Variants in CTSB observed in about 807,000 individuals in gnomAD.
The protein encoded by CTSB is cathepsin B.
CTSB carries 57 observed loss-of-function variants against 44.3 expected under a neutral mutation model. The ratio of observed to expected loss-of-function variants is 1.29; its 90% confidence interval spans 1.04 to 1.60. CTSB has a LOEUF of 1.60. Ranked by LOEUF, CTSB falls within the 40% of genes most tolerant of loss-of-function variation. CTSB has a pLI of 0.00. For synonymous variants in CTSB, 320 were observed against 168.0 expected, an observed-to-expected ratio of 1.91 and a Z score of -7.00; for missense variants, 768 against 443.0, an observed-to-expected ratio of 1.73 and a Z score of -6.59.
In CTSB at chr8:11,845,016, C is replaced by A; in HGVS notation, c.*109G>T. ...AGACAGGTCTGATGTTTGGCCAATC[C>A]AGTCCTTCAGACCCTGTCTGAAACT... On this transcript the variant is annotated 3_prime_UTR_variant, in exon 10 of 10. Transcript: ENST00000353047. The A allele has an allele frequency of 1.3e-6, 1 of 745,300 alleles. No individual in the cohort carries two copies. The highest frequency in any genetic ancestry group is 2.7e-5 in the East Asian group (1 of 37,312). The allele number at this position is 745,300 out of a possible 1,614,324, so 46.2% of individuals were successfully genotyped here. A position where few individuals can be genotyped will look rare whatever the true frequency, so the allele number is the denominator to read the frequency against.
chr8:11,865,249 G>A (rs1586210538), intron 1 of CTSB, among the ~76,000 whole-genome samples: 1 of 152,134 alleles, frequency 6.6e-6, no homozygotes, highest in East Asian at 1.9e-4. Context: ...CCAGACCATT[G>A]AAAAGAGGCA....
rs1353970315 is a variant in CTSB, at chr8:11,848,808, AACTG to A, written c.446+234_446+237del. The stretch of plus-strand genomic sequence containing the variant: ...CCAGACATTCCACCACATTTTCTGA[AACTG>A]ACTGTTTTGCTGGGATGCCACCCCT... On this transcript the variant is annotated intron_variant, in intron 5 of 9. Coordinates refer to ENST00000353047, the MANE Select transcript of CTSB (RefSeq NM_001908.5). 3.0e-5 allele frequency: 13 copies of A among 433,548 alleles called. No homozygotes were observed. The East Asian group carries it at 3.1e-4, about 10-fold the overall frequency. The allele number at this position is 433,548 out of a possible 1,614,324, so 26.9% of individuals were successfully genotyped here.
intron 1 of CTSB, among the ~76,000 whole-genome samples, chr8:11,858,244 C>G (rs1303480268): frequency 1.3e-5 from 2 of 152,224 alleles, no homozygotes; most frequent in African/African-American, 2.4e-5. Flanking sequence ...CACACTAAAC[C>G]TATTCCAATA....
In CTSB at chr8:11,845,004, G is replaced by A; in HGVS notation, c.*121C>T. 1 of 696,138 alleles carries A rather than the reference G, an allele frequency of 1.4e-6. No individual in the cohort carries two copies. The highest frequency in any genetic ancestry group is 2.5e-6 in the Non-Finnish European group (1 of 398,086). 43.1% of individuals were successfully genotyped at this position (696,138 alleles called of 1,614,324 possible). A position where few individuals can be genotyped will look rare whatever the true frequency, so the allele number is the denominator to read the frequency against. ...GGTCTCCTTGGAAGACAGGTCTGAT[G>A]TTTGGCCAATCCAGTCCTTCAGACC... On this transcript the variant is annotated 3_prime_UTR_variant, in exon 10 of 10. Coordinates refer to ENST00000353047, the MANE Select transcript of CTSB (RefSeq NM_001908.5).
intron 5 of CTSB, chr8:11,848,796 C>G (rs1813956137): frequency 2.4e-6 from 1 of 409,996 alleles, no homozygotes; most frequent in South Asian, 2.5e-5. Flanking sequence ...GACATTCCAC[C>G]ACATTTTCTG....
intron 1 of CTSB, among the ~76,000 whole-genome samples, chr8:11,864,907 T>G (rs866409458): frequency 4.0e-5 from 6 of 150,010 alleles, no homozygotes; most frequent in South Asian, 2.1e-4. Context: ...AGTGAAACTG[T>G]CTCAAAAAAA....
intron 1 of CTSB, among the ~76,000 whole-genome samples, chr8:11,863,373 C>A (rs371353608): frequency 2.6e-5 from 4 of 151,882 alleles, no homozygotes; most frequent in Non-Finnish European, 4.4e-5. Flanking sequence ...GCAGGAGAAT[C>A]ACTTGAACCC....
intron 1 of CTSB, chr8:11,861,368 A>G (rs1816388171): frequency 1.3e-5 from 2 of 152,422 alleles, no homozygotes; most frequent in African/African-American, 4.8e-5. Flanking sequence ...CACCTGAACC[A>G]GGTTGGCCAC....
chr8:11,842,910 T>G lies in CTSB; in HGVS notation c.*2215A>C, dbSNP rs778278521. The G allele has an allele frequency of 2.0e-5, 3 of 150,436 alleles. No homozygotes were observed. The highest frequency in any genetic ancestry group is 4.4e-5 in the Non-Finnish European group (3 of 67,932). 9.3% of individuals were successfully genotyped at this position (150,436 alleles called of 1,614,324 possible). ...CCTCAGCCTCCCAAAGTGCTGGGAT[T>G]ACAGGCTTGAGCCACTGCGCCCGGC... is the stretch of plus-strand genomic sequence containing the variant. On this transcript the variant is annotated 3_prime_UTR_variant, in exon 10 of 10. Coordinates refer to ENST00000353047, the MANE Select transcript of CTSB (RefSeq NM_001908.5).
intron 4 of CTSB, 97 bp from the exon 5 acceptor site, chr8:11,849,261 T>C (rs756187264): frequency 2.9e-5 from 25 of 850,334 alleles, no homozygotes; most frequent in Non-Finnish European, 4.0e-5. Context: ...TCAGACCTTG[T>C]AGGCAACTGA....
At chr8:11,852,410 T>C (rs1159270251) in intron 3 of CTSB, among the ~76,000 whole-genome samples, 200 bp downstream of exon 3, 2 of 151,842 alleles carry the variant, frequency 1.3e-5, no homozygotes, top group Admixed American at 6.6e-5. Flanking sequence ...TACTAATAAC[T>C]TGAGAAGGAA....
At chr8:11,846,581 G>T (rs1030901989) in intron 8 of CTSB, among the ~76,000 whole-genome samples, 6 of 152,214 alleles carry the variant, frequency 3.9e-5, no homozygotes, top group African/African-American at 1.4e-4. Flanking sequence ...GGTCCTCCCT[G>T]TGTGTTCATC....
At position 11,847,187 on chromosome 8, in the gene CTSB, T is replaced by TC; in HGVS notation, c.677-20dup. On this transcript the variant is annotated intron_variant, in intron 7 of 9. Transcript: ENST00000353047. ...TTGTATCCTGGAAAATGAACCGAGC[T>TC]CGGGGTTGGGGAGGGCAGTGACCGT... The TC allele has an allele frequency of 6.5e-7, 1 of 1,549,028 alleles. No homozygotes were observed. Among genetic ancestry groups the TC allele is most frequent in the Non-Finnish European group, 8.9e-7 (1 of 1,121,916 alleles).
rs1586113152 is a variant in CTSB at position 11,849,144 on chromosome 8, G to A, written c.348C>T (p.Ala116=). 1 of 1,612,696 alleles carries A rather than the reference G, an allele frequency of 6.2e-7. No homozygotes were observed. Among genetic ancestry groups the A allele is most frequent in the Non-Finnish European group, 8.5e-7 (1 of 1,179,762 alleles). Residue 116 remains alanine, a synonymous_variant, in exon 5 of 10, where the codon GCC becomes GCT. Coordinates refer to ENST00000353047, the MANE Select transcript of CTSB (RefSeq NM_001908.5). ...GSCWAFGAVE[A]ISDRICIHTN... ...TGTGGATGCAGATCCGGTCAGAGAT[G>A]GCTTCCACAGCCCCGAAGGCCTGCA...
In CTSB at chr8:11,848,057, A is replaced by G; in HGVS notation, c.532+10T>C. ...ATCTGGCCAGAAAGTGGCCAAGGGG[A>G]CACACTTACCTACATGGGATTCATA... On this transcript the variant is annotated intron_variant, in intron 6 of 9. Coordinates refer to ENST00000353047, the MANE Select transcript of CTSB (RefSeq NM_001908.5). 1 of 1,601,474 alleles carries G rather than the reference A, an allele frequency of 6.2e-7. No homozygotes were observed. Among genetic ancestry groups the G allele is most frequent in the Non-Finnish European group, 8.5e-7 (1 of 1,170,978 alleles).
At chr8:11,862,801 G>A (rs530945986) in intron 1 of CTSB, among the ~76,000 whole-genome samples, 18 of 152,362 alleles carry the variant, frequency 1.2e-4, no homozygotes, top group South Asian at 1.0e-3. Context: ...CCGGCCCTCC[G>A]GGCTCTTAGG....
intron 8 of CTSB, 122 bp from the exon 9 acceptor site, chr8:11,845,911 C>A: frequency 8.1e-7 from 1 of 1,230,216 alleles, no homozygotes; most frequent in Non-Finnish European, 1.1e-6. Flanking sequence ...GAACCTGCTG[C>A]TCCACCAGGA....
intron 4 of CTSB, chr8:11,849,982 G>C (rs898833118): frequency 6.6e-6 from 1 of 152,356 alleles, no homozygotes; most frequent in African/African-American, 2.4e-5. Context: ...GAGACAGAAA[G>C]TAGAGTGGGG....
intron 1 of CTSB, among the ~76,000 whole-genome samples, chr8:11,862,075 C>G (rs968528492): frequency 1.3e-5 from 2 of 152,126 alleles, no homozygotes; most frequent in Admixed American, 6.5e-5. Context: ...GGCATGGTGG[C>G]AGGCGCCTGT....
Sources: gnomAD v4.1 joint callset for allele counts (sites outside exome capture counted in the v4.1 genomes callset) on GRCh38, gnomAD v4.1.1 for gene constraint, MANE v1.5 for transcripts, NCBI Gene and HGNC (gene_info 2026-07-23, HGNC 2026-07-21) for gene names.